The following CCDC186 variants were observed in gnomAD, a reference collection of about 807,000 sequenced individuals.
CCDC186 encodes coiled-coil domain containing 186.
In CCDC186, 49 loss-of-function variants were observed where a neutral mutation model predicts 113.7. That is an observed-to-expected ratio of 0.43 (90% CI 0.34 to 0.55). The LOEUF (loss-of-function observed/expected upper bound fraction) is 0.55. Among genes scored for constraint, CCDC186 ranks in the 20% least tolerant of loss-of-function variants. CCDC186 has a pLI of 0.02. For missense variants in CCDC186, 890 were observed against 1,011.1 expected, an observed-to-expected ratio of 0.88 and a Z score of 1.62; for synonymous variants, 355 against 345.8, an observed-to-expected ratio of 1.03 and a Z score of -0.30.
intron 6 of CCDC186, among the ~76,000 whole-genome samples, chr10:114,138,768 T>G (rs1452142998): frequency 1.3e-5 from 2 of 152,202 alleles, no homozygotes; most frequent in African/African-American, 2.4e-5. Context: ...TTCTGCCCTC[T>G]TCATTGTTCC....
intron 3 of CCDC186, among the ~76,000 whole-genome samples, chr10:114,153,770 G>A (rs1355818762): frequency 1.5e-4 from 20 of 137,530 alleles, no homozygotes; most frequent in African/African-American, 4.8e-4. Context: ...TGGGTGACAA[G>A]AGCGAAATGA....
At chr10:114,170,331 TATTAGA>T (rs1163561602) in intron 1 of CCDC186, among the ~76,000 whole-genome samples, 1 of 127,292 alleles carries the variant, frequency 7.9e-6, no homozygotes, top group Non-Finnish European at 1.8e-5. Flanking sequence ...AACTTTTTAT[TATTAGA>T]AACTATTAGA....
intron 2 of CCDC186, among the ~76,000 whole-genome samples, chr10:114,160,813 A>C (rs74410805): frequency 0.011 from 1,659 of 152,378 alleles, 19 homozygotes; most frequent in African/African-American, 0.038. Flanking sequence ...TAGTTGTTTT[A>C]GAGTTAACCT....
intron 3 of CCDC186, among the ~76,000 whole-genome samples, chr10:114,152,266 A>G (rs1299436454): frequency 6.6e-6 from 1 of 151,994 alleles, no homozygotes. Flanking sequence ...TGCTAGAGCC[A>G]AGGAGTTTGA....
chr10:114,151,282 C>A, intron 3 of CCDC186, 62 bp from the exon 4 acceptor site: 1 of 1,136,852 alleles, frequency 8.8e-7, no homozygotes, highest in Admixed American at 2.6e-5. Flanking sequence ...ACCAATACTG[C>A]AAATAAATAT....
At position 114,126,070 on chromosome 10, in the gene CCDC186, C is replaced by T. The variant is rs1217061767; in HGVS notation, c.2429G>A (p.Gly810Asp). The change falls in exon 15 of 16, where the codon GGC (glycine) becomes GAC (aspartate). Residue 810 changes from glycine (G) to aspartate (D), a missense_variant. Coordinates refer to ENST00000369287, the MANE Select transcript of CCDC186 (RefSeq NM_018017.4). ...IQSYILREESGTLSSEASDFN... is the reference protein window; with the variant it reads ...IQSYILREESDTLSSEASDFN... The stretch of plus-strand genomic sequence containing the variant: ...ATCAGATGCCTCTGAAGAAAGTGTG[C>T]CTGATTCTTCTCGTAAAATATAACT... The T allele has an allele frequency of 6.2e-7, 1 of 1,613,754 alleles. No homozygotes were observed. Among genetic ancestry groups the T allele is most frequent in the Non-Finnish European group, 8.5e-7 (1 of 1,179,864 alleles).
chr10:114,141,707 G>A (rs936735958), intron 6 of CCDC186, among the ~76,000 whole-genome samples: 1 of 152,052 alleles, frequency 6.6e-6, no homozygotes, highest in Non-Finnish European at 1.5e-5. Flanking sequence ...CTGAAGACTT[G>A]AAGGGAACTC....
intron 1 of CCDC186, among the ~76,000 whole-genome samples, chr10:114,165,625 G>A (rs1401814588): frequency 6.6e-6 from 1 of 152,180 alleles, no homozygotes; most frequent in Non-Finnish European, 1.5e-5. Context: ...GGAAGGCAGA[G>A]GTTGCAGTGA....
At chr10:114,168,329 G>GA (rs1365116134) in intron 1 of CCDC186, 1 of 152,078 alleles carries the variant, frequency 6.6e-6, no homozygotes, top group Non-Finnish European at 1.5e-5. Context: ...ATTTTTTAAT[G>GA]AAAGAACTCA....
chr10:114,138,310 TGGA>T (rs1213880122), intron 6 of CCDC186, among the ~76,000 whole-genome samples: 17 of 115,854 alleles, frequency 1.5e-4, no homozygotes, highest in African/African-American at 3.6e-4. Context: ...TTTTTTTTTT[TGGA>T]GACAGCGTCT....
At chr10:114,129,538 T>G (rs2031020100) in intron 13 of CCDC186, among the ~76,000 whole-genome samples, 1 of 152,032 alleles carries the variant, frequency 6.6e-6, no homozygotes, top group Admixed American at 6.6e-5. Context: ...AAAATGCTAT[T>G]TATTTATTTA....
intron 1 of CCDC186, among the ~76,000 whole-genome samples, chr10:114,172,582 G>A (rs1388366613): frequency 6.6e-6 from 1 of 152,284 alleles, no homozygotes; most frequent in African/African-American, 2.4e-5. Context: ...CAGTTATTCT[G>A]AATTTAACAG....
rs72823048 is a variant in CCDC186 at position 114,169,197 on chromosome 10, G to C, written c.-62+4818C>G. 4.6e-3 allele frequency among the ~76,000 whole-genome samples: 683 copies of C among 147,388 alleles called. 6 individuals carry two copies. The highest frequency in any genetic ancestry group is 0.024 in the Admixed American group (356 of 14,718). On this transcript the variant is annotated intron_variant, in intron 1 of 15. Transcript: ENST00000369287. ...TAAGAGAAATTTGGCTTCATTCACA[G>C]ACTATAAATTTTTAAATTATAAACT...
At chr10:114,155,927 C>T (rs1429256315) in intron 3 of CCDC186, among the ~76,000 whole-genome samples, 1 of 151,908 alleles carries the variant, frequency 6.6e-6, no homozygotes, top group Non-Finnish European at 1.5e-5. Flanking sequence ...TTAGATAGTG[C>T]AGATCTAGAA....
At chr10:114,154,610 A>G (rs917670781) in intron 3 of CCDC186, among the ~76,000 whole-genome samples, 1 of 152,190 alleles carries the variant, frequency 6.6e-6, no homozygotes, top group Non-Finnish European at 1.5e-5. Flanking sequence ...GTGGCTACAC[A>G]GGTAAAATTC....
chr10:114,151,227 A>G lies in CCDC186; in HGVS notation c.760-7T>C. 1 of 1,514,922 alleles carries G rather than the reference A, an allele frequency of 6.6e-7. No homozygotes were observed. Among genetic ancestry groups the G allele is most frequent in the Non-Finnish European group, 9.1e-7 (1 of 1,098,744 alleles). 93.8% of individuals were successfully genotyped at this position (1,514,922 alleles called of 1,614,324 possible). The stretch of plus-strand genomic sequence containing the variant: ...CTTCTATTCTTGATTCTAACTGTAA[A>G]GAAAATTATTTCCAAATTATTTTTA... On this transcript the variant is annotated splice_polypyrimidine_tract_variant and splice_region_variant and intron_variant, in intron 3 of 15. Coordinates refer to ENST00000369287, the MANE Select transcript of CCDC186 (RefSeq NM_018017.4).
At chr10:114,164,107 TA>T in intron 1 of CCDC186, among the ~76,000 whole-genome samples, 1 of 129,660 alleles carries the variant, frequency 7.7e-6, no homozygotes, top group African/African-American at 3.3e-5. Flanking sequence ...TGTGTGTATA[TA>T]TATATATTTT....
chr10:114,168,443 T>C (rs1388795092), intron 1 of CCDC186, among the ~76,000 whole-genome samples: 1 of 152,212 alleles, frequency 6.6e-6, no homozygotes, highest in Non-Finnish European at 1.5e-5. Context: ...AACAAAAAAT[T>C]TAGGTTTGAT....
chr10:114,169,661 T>C (rs1040118345), intron 1 of CCDC186, among the ~76,000 whole-genome samples: 3 of 152,192 alleles, frequency 2.0e-5, no homozygotes, highest in African/African-American at 4.8e-5. Flanking sequence ...GTAGGAAAAG[T>C]ACCTACATCA....
Sources: gnomAD v4.1 joint callset for allele counts (sites outside exome capture counted in the v4.1 genomes callset) on GRCh38, gnomAD v4.1.1 for gene constraint, MANE v1.5 for transcripts, NCBI Gene and HGNC (gene_info 2026-07-23, HGNC 2026-07-21) for gene names.